The following RHCE variants were observed in gnomAD, a reference collection of about 807,000 sequenced individuals.
The protein encoded by RHCE is Rh blood group CcEe antigens, also known as blood group Rh(CE) polypeptide.
In RHCE, 22 loss-of-function variants were observed where a neutral mutation model predicts 43.8. That is an observed-to-expected ratio of 0.50 (90% CI 0.36 to 0.72). The LOEUF is 0.72. Ranked by LOEUF, RHCE falls within the 30% of genes least tolerant of loss-of-function variation. The probability of loss-of-function intolerance (pLI) is 0.00; values close to 1 mark genes in which losing one functional copy is unlikely to be tolerated. For synonymous variants in RHCE, 156 were observed against 210.7 expected (o/e 0.74, Z 2.25); for missense variants, 385 against 525.4 (o/e 0.73, Z 2.61).
At chr1:25,415,389 A>G (rs1411453257) in intron 1 of RHCE, among the ~76,000 whole-genome samples, 1 of 152,254 alleles carries the variant, frequency 6.6e-6, no homozygotes, top group Admixed American at 6.5e-5. Context: ...ATGGTGGCTC[A>G]CGCCTGTAAT....
chr1:25,416,805 T>G (rs1038933924), intron 1 of RHCE, among the ~76,000 whole-genome samples: 3 of 120,594 alleles, frequency 2.5e-5, no homozygotes, highest in African/African-American at 1.1e-4. Context: ...TTTTTTTTTT[T>G]TTTTTAGAGA....
At position 25,406,967 on chromosome 1, in the gene RHCE, G is replaced by C. The variant is rs1423674636; in HGVS notation, c.335+1716C>G. ...AGACAGGGTCTCACTCTGTTGTCCA[G>C]GCTGGAGTAAAGTGGCACGATCATG... On this transcript the variant is annotated intron_variant, in intron 2 of 9. Transcript: ENST00000294413. Among the ~76,000 whole-genome samples the C allele has an allele frequency of 1.7e-5, 2 of 120,482 alleles. 1 individual carries two copies. Among genetic ancestry groups the C allele is most frequent in the East Asian group, 8.6e-4 (2 of 2,330 alleles). 79.0% of individuals were successfully genotyped at this position (120,482 alleles called of 152,430 possible).
At chr1:25,406,987 A>T (rs1360529969) in intron 2 of RHCE, among the ~76,000 whole-genome samples, 31 of 120,204 alleles carry the variant, frequency 2.6e-4, no homozygotes, top group African/African-American at 7.9e-4. Flanking sequence ...AAGTGGCACG[A>T]TCATGGCTCA....
rs1228603057 is a variant in RHCE at position 25,408,363 on chromosome 1, C to T, written c.335+320G>A. Among the ~76,000 whole-genome samples the T allele has an allele frequency of 9.0e-5, 11 of 122,074 alleles. 2 individuals carry two copies. The highest frequency in any genetic ancestry group is 2.3e-4 in the African/African-American group (9 of 39,396). 80.1% of individuals were successfully genotyped at this position (122,074 alleles called of 152,430 possible). On this transcript the variant is annotated intron_variant, in intron 2 of 9. Coordinates refer to ENST00000294413, the MANE Select transcript of RHCE (RefSeq NM_020485.8). ...TTCTCTCTGTCTAACGTGTTTCCTT[C>T]TTACGTTTTCCATAAACTTATACTG...
At position 25,411,331 on chromosome 1, in the gene RHCE, G is replaced by A. The variant is rs1647069809; in HGVS notation, c.149-2462C>T. The stretch of plus-strand genomic sequence containing the variant: ...CATCATCATGACAATCACAGCAATA[G>A]GAACTCACCTGCCACTGGTCTCCAG... On this transcript the variant is annotated intron_variant, in intron 1 of 9. Coordinates refer to ENST00000294413, the MANE Select transcript of RHCE (RefSeq NM_020485.8). The A allele has an allele frequency of 1.9e-6, 3 of 1,550,326 alleles. No homozygotes were observed. In the African/African-American group the frequency reaches 4.1e-5, roughly 21 times the overall value.
At chr1:25,410,744 G>A (rs1226936081) in intron 1 of RHCE, among the ~76,000 whole-genome samples, 1 of 152,104 alleles carries the variant, frequency 6.6e-6, no homozygotes, top group Non-Finnish European at 1.5e-5. Flanking sequence ...CATAGGTTTT[G>A]AGTTCACATA....
Position 25,385,756 on chromosome 1 carries a change from T to C in RHCE, c.1028A>G (p.Tyr343Cys), listed in dbSNP as rs1279801819. 6.2e-7 allele frequency: 1 copy of C among 1,613,656 alleles called. No individual in the cohort carries two copies. The highest frequency in any genetic ancestry group is 8.5e-7 in the Non-Finnish European group (1 of 1,179,986). Residue 343 changes from tyrosine to cysteine, a missense_variant, in exon 7 of 10, where the codon TAC becomes TGC. By Grantham distance (194) the Tyr-to-Cys change is radical. Transcript: ENST00000294413. ...AGTATGAAGCACCAGCAGCACAATGTAGGTGATCTCTCCAAGCAGACCCAG... is the reference window on the plus strand; with the variant it reads ...AGTATGAAGCACCAGCAGCACAATGCAGGTGATCTCTCCAAGCAGACCCAG... Reference protein sequence around the residue: ...SLLGLLGEITYIVLLVLHTVW... With the variant: ...SLLGLLGEITCIVLLVLHTVW...
At chr1:25,404,931 CT>C (rs1456677906) in intron 2 of RHCE, among the ~76,000 whole-genome samples, 1 of 151,544 alleles carries the variant, frequency 6.6e-6, no homozygotes, top group Non-Finnish European at 1.5e-5. Context: ...TGGCTCACAC[CT>C]GTAATCTTAG....
intron 3 of RHCE, among the ~76,000 whole-genome samples, chr1:25,395,939 GA>G (rs1468344614): frequency 6.6e-6 from 1 of 151,280 alleles, no homozygotes; most frequent in Non-Finnish European, 1.5e-5. Flanking sequence ...CTCCTCACAA[GA>G]TGTTTATTAA....
intron 7 of RHCE, among the ~76,000 whole-genome samples, chr1:25,383,424 G>T (rs1646058357): frequency 7.2e-5 from 11 of 152,196 alleles, no homozygotes. Flanking sequence ...ATTACATAGA[G>T]ATGTCCCCAT....
Position 25,408,853 on chromosome 1 carries a change from G to A in RHCE, c.165C>T (p.Thr55=), listed in dbSNP as rs1380516493. The change falls in exon 2 of 10, where the codon ACC becomes ACT. Residue 55 remains threonine (T), a synonymous_variant. Transcript: ENST00000294413. The stretch of plus-strand genomic sequence containing the variant: ...AGCCCAAGCCAAGGGCCGCCATCAC[G>A]GTCAGATCTTGGCCGACTGCTCGGT... The part of the protein sequence containing the change: ...VASYQVGQDL[T]VMAALGLGFL... 24 of 1,283,436 alleles carry A rather than the reference G, an allele frequency of 1.9e-5. 6 individuals are homozygous for A. The highest frequency in any genetic ancestry group is 7.5e-5 in the South Asian group (4 of 53,658). 79.5% of individuals were successfully genotyped at this position (1,283,436 alleles called of 1,614,324 possible). A position where few individuals can be genotyped will look rare whatever the true frequency, so the allele number is the denominator to read the frequency against.
At chr1:25,382,214 G>A (rs1246374186) in intron 7 of RHCE, among the ~76,000 whole-genome samples, 1 of 148,098 alleles carries the variant, frequency 6.8e-6, no homozygotes, top group Non-Finnish European at 1.5e-5. Flanking sequence ...CATATGAATT[G>A]AAGGATTAAG....
At chr1:25,378,479 C>T (rs527564057) in intron 7 of RHCE, among the ~76,000 whole-genome samples, 5 of 152,188 alleles carry the variant, frequency 3.3e-5, no homozygotes, top group Non-Finnish European at 7.3e-5. Flanking sequence ...AACACTTGTT[C>T]CAACTATCTT....
chr1:25,380,899 C>CTTTT (rs898980956), intron 7 of RHCE, among the ~76,000 whole-genome samples: 4 of 128,942 alleles, frequency 3.1e-5, no homozygotes, highest in Admixed American at 7.8e-5. Context: ...TTCTTTCTTC[C>CTTTT]TTTTTTTTTT....
At chr1:25,378,174 A>G (rs1434809604) in intron 7 of RHCE, among the ~76,000 whole-genome samples, 3 of 152,232 alleles carry the variant, frequency 2.0e-5, no homozygotes, top group Non-Finnish European at 4.4e-5. Flanking sequence ...ACCAAGTGTT[A>G]ACAAAATGTG....
At chr1:25,385,242 T>TA (rs1646115979) in intron 7 of RHCE, among the ~76,000 whole-genome samples, 2 of 152,172 alleles carry the variant, frequency 1.3e-5, no homozygotes, top group Non-Finnish European at 2.9e-5. Context: ...GTCCCTGCAT[T>TA]AGCTTATTAA....
chr1:25,385,919 TG>T (rs1172639821), intron 6 of RHCE, 75 bp from the exon 7 acceptor site: 1 of 1,611,052 alleles, frequency 6.2e-7, no homozygotes, highest in African/African-American at 1.3e-5. Flanking sequence ...CACACACCCT[TG>T]GTATCCGGCG....
intron 8 of RHCE, among the ~76,000 whole-genome samples, chr1:25,372,211 T>G (rs1379551908): frequency 1.3e-5 from 2 of 151,652 alleles, no homozygotes; most frequent in African/African-American, 4.9e-5. Context: ...CGTTTTGTGT[T>G]CTTGTGTCCA....
intron 1 of RHCE, among the ~76,000 whole-genome samples, chr1:25,412,841 A>G (rs1051669539): frequency 2.6e-5 from 4 of 151,874 alleles, no homozygotes; most frequent in African/African-American, 9.7e-5. Context: ...CCTGGCCAAC[A>G]TGGTGAAATC....
Sources: gnomAD v4.1 joint callset for allele counts (sites outside exome capture counted in the v4.1 genomes callset) on GRCh38, gnomAD v4.1.1 for gene constraint, MANE v1.5 for transcripts, NCBI Gene and HGNC (gene_info 2026-07-23, HGNC 2026-07-21) for gene names.